Variants in MYH14 observed in about 807,000 individuals in gnomAD.
MYH14 encodes myosin-14.
MYH14 carries 123 observed loss-of-function variants against 255.5 expected under a neutral mutation model. That is an observed-to-expected ratio of 0.48 (90% CI 0.42 to 0.56). The LOEUF (loss-of-function observed/expected upper bound fraction) is 0.56, where lower values mean the gene tolerates loss of function less well. MYH14 is among the 20% of genes least tolerant of loss of function. The pLI is 0.00. For synonymous variants in MYH14, 1,095 were observed against 1,161.2 expected (o/e 0.94, Z 1.16); for missense variants, 2,423 against 2,802.3 (o/e 0.86, Z 3.06).
Position 50,292,163 on chromosome 19 carries a change from C to T in MYH14, c.5128-98C>T, listed in dbSNP as rs537236301. The T allele has an allele frequency of 1.0e-3, 1,303 of 1,274,026 alleles. 2 individuals carry two copies. Among genetic ancestry groups the T allele is most frequent in the Non-Finnish European group, 1.3e-3 (1,203 of 956,294 alleles). The allele number at this position is 1,274,026 out of a possible 1,614,324, so 78.9% of individuals were successfully genotyped here. On this transcript the variant is annotated intron_variant, in intron 36 of 42. Transcript: ENST00000642316. ...GTTCGGAGAGTTCCCTGCTTGTTCA[C>T]GGGAGCTGAGGAGCCCCGTCGGTCT...
In MYH14 at chr19:50,252,615, C is replaced by T. The variant is rs757451257; in HGVS notation, c.1831-24C>T. The T allele has an allele frequency of 1.3e-6, 2 of 1,482,260 alleles. No homozygotes were observed. Among genetic ancestry groups the T allele is most frequent in the Non-Finnish European group, 1.9e-6 (2 of 1,080,122 alleles). 91.8% of individuals were successfully genotyped at this position (1,482,260 alleles called of 1,614,324 possible). On this transcript the variant is annotated intron_variant, in intron 15 of 42. Coordinates refer to ENST00000642316, the MANE Select transcript of MYH14 (RefSeq NM_001145809.2). The surrounding 1 kb of genome is among the most constrained non-coding windows in gnomAD (Gnocchi z 4.2). Reference sequence around the variant, plus strand: ...AATGTCTGAGCCTGCAAGTCATCGCCCTCCTCTACCTGACTTCATTCAGGT... The same window carrying T: ...AATGTCTGAGCCTGCAAGTCATCGCTCTCCTCTACCTGACTTCATTCAGGT...
intron 1 of MYH14, among the ~76,000 whole-genome samples, chr19:50,207,633 T>G (rs970929436): frequency 6.6e-6 from 1 of 152,096 alleles, no homozygotes; most frequent in Non-Finnish European, 1.5e-5. Context: ...GTCTCCCCAT[T>G]TTATGGAGAA....
rs770147453 is a variant in MYH14 at position 50,255,313 on chromosome 19, CA to C, written c.2040del (p.Val682TrpfsTer10). ...AGGTGCAGCTCTGCTATTTCTCCGC[CA>C]GGGGGTGGGTGTCTCTGTGCATCGA... ...AERCSSAISP[P>X]GVEGIVGLEQ... is the part of the protein sequence containing the mutation. On this transcript the variant is annotated frameshift_variant, in exon 17 of 43. Coordinates refer to ENST00000642316, the MANE Select transcript of MYH14 (RefSeq NM_001145809.2). LOFTEE classifies it high-confidence loss of function. 35 of 1,550,772 alleles carry C rather than the reference CA, an allele frequency of 2.3e-5. No individual in the cohort carries two copies. In the South Asian group the frequency reaches 3.5e-4, roughly 15 times the overall value.
At chr19:50,303,343 T>A (rs1477179273) in intron 40 of MYH14, among the ~76,000 whole-genome samples, 1 of 152,224 alleles carries the variant, frequency 6.6e-6, no homozygotes, top group African/African-American at 2.4e-5. Context: ...AACTTGTCTC[T>A]GCTCTATGTG....
chr19:50,250,930 C>T lies in MYH14; in HGVS notation c.1830+242C>T, dbSNP rs1037900451. Among the ~76,000 whole-genome samples the T allele has an allele frequency of 6.6e-6, 1 of 152,082 alleles. No individual in the cohort carries two copies. The highest frequency in any genetic ancestry group is 2.4e-5 in the African/African-American group (1 of 41,414). ...GGATGGGTAGGAGTTCATCAGGAGG[C>T]GATCTATGTGCATTTTATCCACTTA... On this transcript the variant is annotated intron_variant, in intron 15 of 42. Coordinates refer to ENST00000642316, the MANE Select transcript of MYH14 (RefSeq NM_001145809.2). This position sits in a 1 kb window ranked among gnomAD's most constrained non-coding sequence, Gnocchi z 5.4.
At chr19:50,279,660 G>A (rs556022021) in intron 30 of MYH14, among the ~76,000 whole-genome samples, 2 of 152,174 alleles carry the variant, frequency 1.3e-5, no homozygotes, top group Admixed American at 1.3e-4. Flanking sequence ...ACAACAGCAC[G>A]CAATAGATCC....
In MYH14 at chr19:50,260,672, T is replaced by A. The variant is rs767521890; in HGVS notation, c.2381T>A (p.Ile794Asn). 3 of 1,612,926 alleles carry A rather than the reference T, an allele frequency of 1.9e-6. No homozygotes were observed. The African/African-American group carries it at 4.0e-5, about 22-fold the overall frequency. ...TACGAGATCCTGACACCCAATGCCATCCCCAAGGGCTTCATGGATGGGAAG... is the reference window on the plus strand; with the variant it reads ...TACGAGATCCTGACACCCAATGCCAACCCCAAGGGCTTCATGGATGGGAAG... ...QRYEILTPNA[I>N]PKGFMDGKQA... The change falls in exon 20 of 43, where the codon ATC (isoleucine) becomes AAC (asparagine). Residue 794 changes from isoleucine to asparagine, a missense_variant. This residue lies in a region of MYH14 where 672 missense variants were observed against 881.8 expected (regional missense o/e 0.76). Transcript: ENST00000642316.
intron 40 of MYH14, among the ~76,000 whole-genome samples, chr19:50,303,780 C>T (rs918669016): frequency 2.0e-5 from 3 of 152,102 alleles, no homozygotes; most frequent in African/African-American, 7.2e-5. Flanking sequence ...GCACCAAGAA[C>T]CATACCCACA....
intron 34 of MYH14, among the ~76,000 whole-genome samples, 188 bp from the exon 35 acceptor site, chr19:50,289,248 G>A (rs1009887276): frequency 1.3e-5 from 2 of 152,156 alleles, no homozygotes; most frequent in African/African-American, 4.8e-5. Context: ...ACATTTTGGG[G>A]TGATGCTGAA....
chr19:50,275,991 G>A lies in MYH14; in HGVS notation c.3468G>A (p.Arg1156=), dbSNP rs774431112. The change falls in exon 28 of 43, where the codon AGG becomes AGA. Residue 1156 remains arginine, a splice_region_variant and synonymous_variant. Coordinates refer to ENST00000642316, the MANE Select transcript of MYH14 (RefSeq NM_001145809.2). ...KEEELQAALA[R]AEDEGGARAQ... is the part of the protein sequence containing the mutation. ...ACTCCACGGTTCTTGTCACCCCCAG[G>A]GCAGAAGACGAGGGTGGGGCCCGGG... 6.2e-7 allele frequency: 1 copy of A among 1,611,662 alleles called. No individual in the cohort carries two copies. Among genetic ancestry groups the A allele is most frequent in the Non-Finnish European group, 8.5e-7 (1 of 1,178,984 alleles).
chr19:50,301,980 C>A, intron 40 of MYH14, 111 bp downstream of exon 40: 2 of 883,076 alleles, frequency 2.3e-6, no homozygotes, highest in Admixed American at 2.2e-5. Flanking sequence ...AAGACATCAT[C>A]ATAGTAATGA....
chr19:50,268,056 C>G, intron 23 of MYH14, 105 bp from the exon 24 acceptor site: 2 of 1,424,958 alleles, frequency 1.4e-6, no homozygotes, highest in South Asian at 1.4e-5. Flanking sequence ...CAGTCCTGCC[C>G]TGGAGAACTT....
rs764280486 is a variant in MYH14, at chr19:50,249,099, T to A, written c.1442T>A (p.Phe481Tyr). ...CGCAGCCCCCGCCAAGGCGCCTCCT[T>A]CCTGGGCATCCTGGACATCGCGGGC... ...LDRSPRQGAS[F>Y]LGILDIAGFE... Residue 481 changes from phenylalanine to tyrosine, a missense_variant, in exon 13 of 43, where the codon TTC (phenylalanine) becomes TAC (tyrosine). By Grantham distance (22) the Phe-to-Tyr change is conservative (BLOSUM62 3). Coordinates refer to ENST00000642316, the MANE Select transcript of MYH14 (RefSeq NM_001145809.2). 8.8e-6 allele frequency: 14 copies of A among 1,598,714 alleles called. No homozygotes were observed. The highest frequency in any genetic ancestry group is 1.0e-5 in the Non-Finnish European group (12 of 1,172,994).
At chr19:50,275,864 G>A in intron 27 of MYH14, 127 bp from the exon 28 acceptor site, 1 of 695,668 alleles carries the variant, frequency 1.4e-6, no homozygotes, top group Non-Finnish European at 2.4e-6. Flanking sequence ...GTGCCCAGTG[G>A]CAGAGAGAGG....
At chr19:50,203,869 C>A (rs1371884168) in intron 1 of MYH14, among the ~76,000 whole-genome samples, 198 bp downstream of exon 1, 2 of 151,994 alleles carry the variant, frequency 1.3e-5, no homozygotes, top group African/African-American at 4.8e-5. Flanking sequence ...CGTCTACACT[C>A]CCCCAACTCC....
Position 50,232,716 on chromosome 19 carries a change from C to T in MYH14, c.1114+646C>T, listed in dbSNP as rs184944217. 2.3e-3 allele frequency among the ~76,000 whole-genome samples: 350 copies of T among 151,146 alleles called. 1 individual carries two copies. Among genetic ancestry groups the T allele is most frequent in the African/African-American group, 7.9e-3 (325 of 41,170 alleles). ...GTGGACTGAGATGGGGATGTTTGAA[C>T]GAAGTCCTGAGGAAGTGAGGGAATG... On this transcript the variant is annotated intron_variant, in intron 10 of 42. Transcript: ENST00000642316.
At position 50,255,201 on chromosome 19, in the gene MYH14, A is replaced by G; in HGVS notation, c.1946-19A>G. On this transcript the variant is annotated intron_variant, in intron 16 of 42. Coordinates refer to ENST00000642316, the MANE Select transcript of MYH14 (RefSeq NM_001145809.2). ...CCATCTCCCCTCCACCCACCCACAC[A>G]TCTGTCCTCACTCCCCAGAACATGG... The G allele has an allele frequency of 2.0e-6, 3 of 1,516,398 alleles. No homozygotes were observed. Among genetic ancestry groups the G allele is most frequent in the Middle Eastern group, 1.7e-4 (1 of 5,938 alleles). 93.9% of individuals were successfully genotyped at this position (1,516,398 alleles called of 1,614,324 possible).
rs1022292666 is a variant in MYH14 at position 50,246,998 on chromosome 19, C to T, written c.1211-6C>T. 6.2e-7 allele frequency: 1 copy of T among 1,604,014 alleles called. No homozygotes were observed. Among genetic ancestry groups the T allele is most frequent in the Non-Finnish European group, 8.5e-7 (1 of 1,173,782 alleles). On this transcript the variant is annotated splice_polypyrimidine_tract_variant and splice_region_variant and intron_variant, in intron 11 of 42. Coordinates refer to ENST00000642316, the MANE Select transcript of MYH14 (RefSeq NM_001145809.2). ...CTGATGGAATCTTGGTGCCTCTCGCCCTCAGCTGCACAGAAGCTCTGCCGC... is the reference window on the plus strand; with the variant it reads ...CTGATGGAATCTTGGTGCCTCTCGCTCTCAGCTGCACAGAAGCTCTGCCGC...
At chr19:50,258,171 C>T (rs2123336401) in intron 18 of MYH14, among the ~76,000 whole-genome samples, 1 of 152,156 alleles carries the variant, frequency 6.6e-6, no homozygotes, top group Admixed American at 6.5e-5. Context: ...CTCAAGCGAT[C>T]CACCCGCCTT....
Sources: allele counts gnomAD v4.1 joint callset (sites outside exome capture counted in the v4.1 genomes callset), GRCh38; gene constraint gnomAD v4.1.1; regional missense constraint gnomAD v4.1.1; non-coding constraint Gnocchi (gnomAD v3.1); transcripts MANE v1.5; gene names NCBI Gene and HGNC (gene_info 2026-07-23, HGNC 2026-07-21).